The following KHDRBS3 variants were observed in gnomAD, a reference collection of about 807,000 sequenced individuals.
The protein encoded by KHDRBS3 is KH RNA binding domain containing, signal transduction associated 3, also known as KH domain-containing, RNA-binding, signal transduction-associated protein 3.
In KHDRBS3, 23 loss-of-function variants were observed where a neutral mutation model predicts 45.6. The ratio of observed to expected loss-of-function variants is 0.50; its 90% CI spans 0.36 to 0.72. KHDRBS3 has a LOEUF of 0.72. Ranked by LOEUF, KHDRBS3 falls within the 30% of genes least tolerant of loss-of-function variation. KHDRBS3 has a pLI of 0.00. For synonymous variants in KHDRBS3, 162 were observed against 156.5 expected (o/e 1.04, Z -0.26); for missense variants, 352 against 424.8 (o/e 0.83, Z 1.51).
chr8:135,639,811 T>G (rs1197642828), intron 7 of KHDRBS3, among the ~76,000 whole-genome samples: 1 of 152,124 alleles, frequency 6.6e-6, no homozygotes, highest in African/African-American at 2.4e-5. Flanking sequence ...AAGAACTCAC[T>G]TATCACCGAG....
intron 7 of KHDRBS3, among the ~76,000 whole-genome samples, chr8:135,631,670 G>C (rs1830610694): frequency 6.6e-6 from 1 of 152,140 alleles, no homozygotes; most frequent in African/African-American, 2.4e-5. Context: ...CTGTTTTACA[G>C]ATCAAGTAAA....
intron 1 of KHDRBS3, among the ~76,000 whole-genome samples, chr8:135,460,957 A>G (rs1340831327): frequency 6.6e-6 from 1 of 152,214 alleles, no homozygotes; most frequent in Non-Finnish European, 1.5e-5. Context: ...AATAAGAGAT[A>G]TACTCCTGTC....
At chr8:135,533,139 T>G (rs756200940) in intron 2 of KHDRBS3, among the ~76,000 whole-genome samples, 1 of 152,192 alleles carries the variant, frequency 6.6e-6, no homozygotes, top group African/African-American at 2.4e-5. Flanking sequence ...CAGCTATTTA[T>G]ATGTGCCTGG....
At chr8:135,654,177 A>G (rs1831484478) in intron 4 of KHDRBS3, among the ~76,000 whole-genome samples, 1 of 152,188 alleles carries the variant, frequency 6.6e-6, no homozygotes, top group East Asian at 1.9e-4. Context: ...ATTTTATACT[A>G]GAAAGCTACC....
At chr8:135,554,808 AAAAT>A (rs1239558318) in intron 4 of KHDRBS3, among the ~76,000 whole-genome samples, 3 of 152,196 alleles carry the variant, frequency 2.0e-5, no homozygotes, top group East Asian at 3.8e-4. Context: ...AAAATTTTTT[AAAAT>A]AAATATCCTG....
chr8:135,612,413 A>G lies in KHDRBS3; in HGVS notation c.890+5376A>G, dbSNP rs1000103440. ...CATATTACAGTCGTAGGCTTAGACT[A>G]GTGAAATTAAGAAATTTGTTTTTCC... On this transcript the variant is annotated intron_variant, in intron 7 of 8. Transcript: ENST00000355849. 4.6e-5 allele frequency among the ~76,000 whole-genome samples: 7 copies of G among 152,010 alleles called. No homozygotes were observed. The East Asian group carries it at 7.7e-4, about 17-fold the overall frequency.
chr8:135,625,725 C>A, intron 7 of KHDRBS3: 1 of 763,586 alleles, frequency 1.3e-6, no homozygotes, highest in Non-Finnish European at 2.4e-6. Flanking sequence ...TTTGTCAACA[C>A]CCATCCTCTT....
At chr8:135,587,234 T>C (rs4909488) in intron 6 of KHDRBS3, among the ~76,000 whole-genome samples, 151,926 of 152,316 alleles carry the variant, frequency 1, 75,770 homozygotes, top group East Asian at 1. Context: ...TCATCGGAGT[T>C]ACTGTAACAA....
intron 1 of KHDRBS3, among the ~76,000 whole-genome samples, chr8:135,489,025 G>A (rs1823006090): frequency 6.6e-6 from 1 of 152,184 alleles, no homozygotes; most frequent in Non-Finnish European, 1.5e-5. Context: ...GTGTGTAAAA[G>A]CCCAGTAATG....
rs1205869405 is a variant in KHDRBS3 at position 135,584,991 on chromosome 8, G to T, written c.807+2918G>T. Among the ~76,000 whole-genome samples the T allele has an allele frequency of 3.3e-5, 5 of 151,838 alleles. No homozygotes were observed. In the East Asian group the frequency reaches 7.7e-4, roughly 23 times the overall value. On this transcript the variant is annotated intron_variant, in intron 6 of 8. Coordinates refer to ENST00000355849, the MANE Select transcript of KHDRBS3 (RefSeq NM_006558.3). ...AATCCTAGCATTTTCAGAGGCCAAG[G>T]TGGGCACATCACTTGAGGTCAGGAG...
At chr8:135,639,001 T>C (rs1190770732) in intron 7 of KHDRBS3, among the ~76,000 whole-genome samples, 1 of 146,872 alleles carries the variant, frequency 6.8e-6, no homozygotes, top group African/African-American at 2.5e-5. Flanking sequence ...GCTAGTGAGA[T>C]AGGAAGGAAA....
At chr8:135,559,110 C>T (rs923866408) in intron 5 of KHDRBS3, among the ~76,000 whole-genome samples, 3 of 151,842 alleles carry the variant, frequency 2.0e-5, no homozygotes, top group East Asian at 1.9e-4. Flanking sequence ...AGATCTAAAT[C>T]ACATCTGTAA....
intron 1 of KHDRBS3, among the ~76,000 whole-genome samples, chr8:135,491,083 A>C (rs1269993318): frequency 6.6e-6 from 1 of 152,024 alleles, no homozygotes; most frequent in Admixed American, 6.6e-5. Flanking sequence ...TTCTCCTTTA[A>C]TTTTAAGAAT....
chr8:135,615,757 C>T (rs926496331), intron 7 of KHDRBS3, among the ~76,000 whole-genome samples: 3 of 152,124 alleles, frequency 2.0e-5, no homozygotes, highest in South Asian at 2.1e-4. Flanking sequence ...TATGAAGTCA[C>T]GAACAGGATA....
intron 6 of KHDRBS3, among the ~76,000 whole-genome samples, chr8:135,588,591 C>T (rs1435153646): frequency 6.6e-6 from 1 of 152,204 alleles, no homozygotes; most frequent in Non-Finnish European, 1.5e-5. Flanking sequence ...CACCTCTCCT[C>T]TTTCCTTAGG....
chr8:135,593,381 T>C (rs565770092), intron 6 of KHDRBS3: 1 of 152,326 alleles, frequency 6.6e-6, no homozygotes, highest in African/African-American at 2.4e-5. Flanking sequence ...AAGGTACTTA[T>C]CTTAGAGTAA....
intron 2 of KHDRBS3, among the ~76,000 whole-genome samples, chr8:135,525,850 A>G (rs898185965): frequency 6.6e-6 from 1 of 152,202 alleles, no homozygotes; most frequent in African/African-American, 2.4e-5. Context: ...GATTAACCTG[A>G]AACTAATACT....
chr8:135,525,902 G>A (rs1361977380), intron 2 of KHDRBS3, among the ~76,000 whole-genome samples: 1 of 152,142 alleles, frequency 6.6e-6, no homozygotes, highest in Non-Finnish European at 1.5e-5. Flanking sequence ...ATAAAGTGCA[G>A]TCATGTGCTG....
intron 5 of KHDRBS3, among the ~76,000 whole-genome samples, chr8:135,573,435 A>C (rs2130893418): frequency 6.6e-6 from 1 of 152,342 alleles, no homozygotes; most frequent in Admixed American, 6.5e-5. Flanking sequence ...AAGTATCAGG[A>C]CAGAGTAGAA....
Sources: allele counts gnomAD v4.1 joint callset (sites outside exome capture counted in the v4.1 genomes callset), GRCh38; gene constraint gnomAD v4.1.1; transcripts MANE v1.5; gene names NCBI Gene and HGNC (gene_info 2026-07-23, HGNC 2026-07-21).